The following ZEB1 variants were observed in gnomAD, a reference collection of about 807,000 sequenced individuals.
ZEB1 encodes the protein zinc finger E-box-binding homeobox 1.
In ZEB1, 21 loss-of-function variants were observed where a neutral mutation model predicts 84.9. The ratio of observed to expected loss-of-function variants is 0.25; its 90% CI spans 0.18 to 0.36. The LOEUF is 0.36. Among genes scored for constraint, ZEB1 ranks in the 10% least tolerant of loss-of-function variants. The pLI, the probability that ZEB1 is intolerant of heterozygous loss-of-function variation, is 1.00. For synonymous variants in ZEB1, 420 were observed against 471.1 expected (o/e 0.89, Z 1.41); for missense variants, 1,104 against 1,330.2 (o/e 0.83, Z 2.65).
intron 1 of ZEB1, among the ~76,000 whole-genome samples, chr10:31,417,567 C>T (rs2055425326): frequency 6.6e-6 from 1 of 152,054 alleles, no homozygotes; most frequent in African/African-American, 2.4e-5. Context: ...TTTAGTGCTT[C>T]TTCGGTGATA....
intron 1 of ZEB1, among the ~76,000 whole-genome samples, chr10:31,388,111 G>A (rs534505868): frequency 6.6e-6 from 1 of 152,236 alleles, no homozygotes; most frequent in African/African-American, 2.4e-5. Context: ...CTATGGAGAA[G>A]AGCAGAAGCA....
At chr10:31,450,873 CGTGTGT>C (rs137905132) in intron 1 of ZEB1, among the ~76,000 whole-genome samples, 1 of 149,448 alleles carries the variant, frequency 6.7e-6, no homozygotes, top group Non-Finnish European at 1.5e-5. Flanking sequence ...TAGGACTGAG[CGTGTGT>C]GTGTGTGTGT....
At chr10:31,345,405 G>A (rs974263155) in intron 1 of ZEB1, among the ~76,000 whole-genome samples, 1 of 152,070 alleles carries the variant, frequency 6.6e-6, no homozygotes, top group Non-Finnish European at 1.5e-5. Context: ...AAGTAAACTG[G>A]TAACTAAAAT....
At position 31,520,797 on chromosome 10, in the gene ZEB1, G is replaced by T. The variant is rs945716050; in HGVS notation, c.1465G>T (p.Val489Phe). Residue 489 changes from valine to phenylalanine, a missense_variant, in exon 7 of 9, where the codon GTT (valine) becomes TTT (phenylalanine). Around this residue, in one of 7 missense-constraint regions of ZEB1, gnomAD observed 531 missense variants for 575.2 expected, o/e 0.92. Transcript: ENST00000424869. The surrounding 1 kb of genome is among the most constrained non-coding windows in gnomAD (Gnocchi z 5.1). ...SLEQPSQLQV[V>F]PQNLKKENPV... ...TGAGCAGCCTAGCCAACTTCAAGTT[G>T]TTCCTCAAAATTTAAAAAAAGAAAA... The T allele has an allele frequency of 1.9e-6, 3 of 1,613,828 alleles. No individual in the cohort carries two copies. The highest frequency in any genetic ancestry group is 2.2e-5 in the East Asian group (1 of 44,864).
chr10:31,497,468 G>T (rs146793413), intron 3 of ZEB1, among the ~76,000 whole-genome samples: 16 of 152,272 alleles, frequency 1.1e-4, no homozygotes, highest in African/African-American at 3.8e-4. Context: ...CGTACACAAT[G>T]ATGATCCCTG....
In ZEB1 at chr10:31,510,820, C is replaced by T. The variant is rs1327135247; in HGVS notation, c.632C>T (p.Ala211Val). ...TGCTCCCTGTGCAGTTACACCTTTGCATACAGAACCCAACTTGAACGTCAC... is the reference window on the plus strand; with the variant it reads ...TGCTCCCTGTGCAGTTACACCTTTGTATACAGAACCCAACTTGAACGTCAC... ...FSCSLCSYTF[A>V]YRTQLERHMT... is the part of the protein sequence containing the mutation. Residue 211 changes from alanine to valine, a missense_variant, in exon 5 of 9, where the codon GCA becomes GTA. This residue lies in a region of ZEB1 where 71 missense variants were observed against 119.1 expected (regional missense o/e 0.60). Coordinates refer to ENST00000424869, the MANE Select transcript of ZEB1 (RefSeq NM_001174096.2). The T allele has an allele frequency of 6.2e-7, 1 of 1,613,950 alleles. No homozygotes were observed. The highest frequency in any genetic ancestry group is 1.7e-5 in the Admixed American group (1 of 60,020).
At chr10:31,368,264 C>G (rs368093837) in intron 1 of ZEB1, among the ~76,000 whole-genome samples, 1 of 152,132 alleles carries the variant, frequency 6.6e-6, no homozygotes, top group Non-Finnish European at 1.5e-5. Flanking sequence ...AATCGATCCC[C>G]CCACTTCAGC....
intron 1 of ZEB1, among the ~76,000 whole-genome samples, chr10:31,326,225 C>G (rs1589957708): frequency 6.6e-6 from 1 of 152,074 alleles, no homozygotes; most frequent in Non-Finnish European, 1.5e-5. Context: ...GTAGTGAAAT[C>G]CTTCAAGGAG....
At chr10:31,411,859 A>T (rs1245924726) in intron 1 of ZEB1, among the ~76,000 whole-genome samples, 4 of 152,150 alleles carry the variant, frequency 2.6e-5, no homozygotes, top group Non-Finnish European at 4.4e-5. Flanking sequence ...GTTACCTTTT[A>T]TTCTAATAAA....
At chr10:31,368,255 A>G (rs1017033248) in intron 1 of ZEB1, among the ~76,000 whole-genome samples, 5 of 152,074 alleles carry the variant, frequency 3.3e-5, no homozygotes, top group Admixed American at 1.3e-4. Flanking sequence ...CCTGGGCTCA[A>G]TCGATCCCCC....
chr10:31,513,113 G>T (rs756352152), intron 5 of ZEB1, among the ~76,000 whole-genome samples: 3 of 152,190 alleles, frequency 2.0e-5, no homozygotes, highest in Non-Finnish European at 2.9e-5. Flanking sequence ...TTGGATGATA[G>T]ATAAGAGAGA....
chr10:31,363,731 G>A, intron 1 of ZEB1: 1 of 1,191,544 alleles, frequency 8.4e-7, no homozygotes, highest in Non-Finnish European at 1.2e-6. Flanking sequence ...TGAGGAGACA[G>A]CACGGGTTTC....
intron 1 of ZEB1, among the ~76,000 whole-genome samples, chr10:31,323,698 A>G (rs561640905): frequency 6.6e-6 from 1 of 152,244 alleles, no homozygotes; most frequent in South Asian, 2.1e-4. Context: ...TAAATTGCAT[A>G]TAAATAATTG....
chr10:31,469,655 C>T (rs1309101392), intron 2 of ZEB1, among the ~76,000 whole-genome samples: 3 of 152,362 alleles, frequency 2.0e-5, no homozygotes, highest in East Asian at 3.9e-4. Flanking sequence ...CGCCATTGCC[C>T]AGGCTTCCTT....
intron 2 of ZEB1, among the ~76,000 whole-genome samples, chr10:31,494,272 C>G (rs1011060937): frequency 1.3e-5 from 2 of 151,998 alleles, no homozygotes; most frequent in Admixed American, 1.3e-4. Context: ...AATTTTTAAA[C>G]TGTCATTTTG....
chr10:31,523,198 G>A (rs7896086), intron 7 of ZEB1, among the ~76,000 whole-genome samples: 17,585 of 152,200 alleles, frequency 0.12, 2,767 homozygotes, highest in African/African-American at 0.35. Context: ...AGATCTTAGG[G>A]GACCCAGTTC....
intron 7 of ZEB1, 24 bp downstream of exon 7, chr10:31,521,960 A>C: frequency 6.2e-7 from 1 of 1,613,910 alleles, no homozygotes; most frequent in South Asian, 1.1e-5. Flanking sequence ...TCCATCCTGA[A>C]CCTGGCTAGT....
At chr10:31,425,229 T>A (rs1262569472) in intron 1 of ZEB1, among the ~76,000 whole-genome samples, 1 of 152,082 alleles carries the variant, frequency 6.6e-6, no homozygotes, top group Admixed American at 6.5e-5. Context: ...GAATTTGAGT[T>A]AGACAGCCTT....
chr10:31,386,979 TG>T, intron 1 of ZEB1: 2 of 665,748 alleles, frequency 3.0e-6, no homozygotes, highest in Non-Finnish European at 3.7e-6. Context: ...GAGATATTTT[TG>T]TGAATGAAGA....
Sources: allele counts gnomAD v4.1 joint callset (sites outside exome capture counted in the v4.1 genomes callset), GRCh38; gene constraint gnomAD v4.1.1; regional missense constraint gnomAD v4.1.1; non-coding constraint Gnocchi (gnomAD v3.1); transcripts MANE v1.5; gene names NCBI Gene and HGNC (gene_info 2026-07-23, HGNC 2026-07-21).